Variants in KCNIP4 observed in about 807,000 individuals in gnomAD.
KCNIP4 encodes Kv channel-interacting protein 4.
A neutral mutation model predicts 34.0 loss-of-function variants in KCNIP4; 12 were observed. That is an observed-to-expected ratio of 0.35 (90% confidence interval 0.23 to 0.57). The LOEUF (loss-of-function observed/expected upper bound fraction) is 0.57. Ranked by LOEUF, KCNIP4 falls within the 20% of genes least tolerant of loss-of-function variation. The pLI is 0.83. For missense variants in KCNIP4, 238 were observed against 311.7 expected, an observed-to-expected ratio of 0.76 and a Z score of 1.78; for synonymous variants, 124 against 102.2, an observed-to-expected ratio of 1.21 and a Z score of -1.29.
At chr4:21,063,627 A>G (rs892673766) in intron 1 of KCNIP4, among the ~76,000 whole-genome samples, 2 of 152,154 alleles carry the variant, frequency 1.3e-5, no homozygotes, top group African/African-American at 4.8e-5. Flanking sequence ...ATCTTTATGA[A>G]TTCAAGTTGC....
intron 1 of KCNIP4, among the ~76,000 whole-genome samples, chr4:21,068,979 G>A (rs1473103607): frequency 5.3e-5 from 8 of 152,098 alleles, no homozygotes; most frequent in Admixed American, 3.9e-4. Context: ...CATTTACTAT[G>A]GTGAGTCTAA....
intron 1 of KCNIP4, among the ~76,000 whole-genome samples, chr4:21,118,541 C>T (rs1272390577): frequency 6.6e-6 from 1 of 152,146 alleles, no homozygotes; most frequent in Non-Finnish European, 1.5e-5. Context: ...TGAGTCTTTG[C>T]CAAAATGCAA....
intron 1 of KCNIP4, among the ~76,000 whole-genome samples, chr4:21,382,593 A>G (rs1721613255): frequency 6.6e-6 from 1 of 152,188 alleles, no homozygotes; most frequent in South Asian, 2.1e-4. Flanking sequence ...ACAATTCTTC[A>G]CTTAAAATGG....
At chr4:21,256,878 G>T (rs543069221) in intron 1 of KCNIP4, among the ~76,000 whole-genome samples, 1 of 152,154 alleles carries the variant, frequency 6.6e-6, no homozygotes, top group African/African-American at 2.4e-5. Flanking sequence ...TGTGGAAATG[G>T]TGTGAAATGC....
chr4:20,728,890 ATGTGGCAAC>A lies in KCNIP4; in HGVS notation c.*1183_*1191del, dbSNP rs1240916178. ...AGGGACGATGTGTGTGGCTTTAGTA[ATGTGGCAAC>A]TTTACAGTTTTGGCTAAGATGATTA... On this transcript the variant is annotated 3_prime_UTR_variant, in exon 9 of 9. Coordinates refer to ENST00000382152, the MANE Select transcript of KCNIP4 (RefSeq NM_025221.6). The A allele has an allele frequency of 6.6e-6, 1 of 151,818 alleles. No homozygotes were observed. The highest frequency in any genetic ancestry group is 2.4e-5 in the African/African-American group (1 of 41,084). 9.4% of individuals were successfully genotyped at this position (151,818 alleles called of 1,614,324 possible). A position where few individuals can be genotyped will look rare whatever the true frequency, so the allele number is the denominator to read the frequency against.
At chr4:20,984,245 G>A (rs550206639) in intron 1 of KCNIP4, among the ~76,000 whole-genome samples, 166 of 152,356 alleles carry the variant, frequency 1.1e-3, no homozygotes, top group African/African-American at 3.8e-3. Flanking sequence ...AACGTCTGTC[G>A]GAGAACTGGA....
At chr4:21,868,468 G>A (rs988212749) in intron 1 of KCNIP4, among the ~76,000 whole-genome samples, 6 of 152,116 alleles carry the variant, frequency 3.9e-5, no homozygotes, top group East Asian at 1.9e-4. Context: ...GCTACTGATC[G>A]CTGCTATGAC....
intron 1 of KCNIP4, among the ~76,000 whole-genome samples, chr4:21,667,623 G>A (rs1355708629): frequency 1.3e-5 from 2 of 152,122 alleles, no homozygotes; most frequent in African/African-American, 2.4e-5. Context: ...TCTTTTTCCA[G>A]AATAAAAGAT....
intron 1 of KCNIP4, among the ~76,000 whole-genome samples, chr4:20,944,758 A>G (rs1732018708): frequency 6.6e-6 from 1 of 152,270 alleles, no homozygotes; most frequent in South Asian, 2.1e-4. Context: ...TCCTAAATAA[A>G]TCTGTTTTGG....
At chr4:21,945,293 G>T (rs1406638903) in intron 1 of KCNIP4, among the ~76,000 whole-genome samples, 1 of 152,120 alleles carries the variant, frequency 6.6e-6, no homozygotes, top group Non-Finnish European at 1.5e-5. Flanking sequence ...TTTTATGAGA[G>T]GGCATAAGCT....
At chr4:21,567,398 C>T (rs929283843) in intron 1 of KCNIP4, among the ~76,000 whole-genome samples, 1 of 151,928 alleles carries the variant, frequency 6.6e-6, no homozygotes, top group African/African-American at 2.4e-5. Flanking sequence ...TGGAAGGGGG[C>T]CCATTGTCCT....
chr4:21,602,358 A>G (rs1244520842), intron 1 of KCNIP4, among the ~76,000 whole-genome samples: 8 of 152,182 alleles, frequency 5.3e-5, no homozygotes, highest in Non-Finnish European at 1.5e-5. Context: ...GATCCTCTGC[A>G]TATAACACGG....
intron 1 of KCNIP4, among the ~76,000 whole-genome samples, chr4:21,322,838 T>C (rs1578076823): frequency 6.6e-6 from 1 of 152,228 alleles, no homozygotes; most frequent in Non-Finnish European, 1.5e-5. Flanking sequence ...CTAAATCACT[T>C]AAAAGATAAG....
intron 1 of KCNIP4, among the ~76,000 whole-genome samples, chr4:21,228,801 G>A (rs555019060): frequency 9.9e-5 from 15 of 151,906 alleles, no homozygotes; most frequent in East Asian, 3.9e-4. Flanking sequence ...TTCTCCTTCC[G>A]CTTATCCAAT....
At chr4:21,668,087 C>T (rs553370265) in intron 1 of KCNIP4, among the ~76,000 whole-genome samples, 6 of 152,198 alleles carry the variant, frequency 3.9e-5, no homozygotes, top group South Asian at 2.1e-4. Flanking sequence ...TGCAGGGACA[C>T]GGATGAAGCT....
intron 1 of KCNIP4, among the ~76,000 whole-genome samples, chr4:21,709,905 A>G (rs79931032): frequency 0.017 from 2,652 of 152,330 alleles, 77 homozygotes; most frequent in African/African-American, 0.053. Context: ...ATGCCAAAAG[A>G]GAAGCACATA....
intron 1 of KCNIP4, among the ~76,000 whole-genome samples, chr4:21,242,567 T>A (rs990110040): frequency 5.9e-5 from 9 of 152,110 alleles, no homozygotes; most frequent in Non-Finnish European, 1.3e-4. Flanking sequence ...CCACCTCCAA[T>A]GTGTTTGGGG....
chr4:21,792,501 C>T (rs946316953), intron 1 of KCNIP4, among the ~76,000 whole-genome samples: 6 of 152,130 alleles, frequency 3.9e-5, no homozygotes, highest in Admixed American at 6.5e-5. Context: ...GGAACAGATG[C>T]TGTGTGTAAA....
chr4:21,553,725 C>G (rs1210806589), intron 1 of KCNIP4, among the ~76,000 whole-genome samples: 2 of 42,622 alleles, frequency 4.7e-5, no homozygotes, highest in Admixed American at 1.9e-4. Flanking sequence ...TAAAATGAAA[C>G]AAAGTTCTTT....
Sources: gnomAD v4.1 joint callset for allele counts (sites outside exome capture counted in the v4.1 genomes callset) on GRCh38, gnomAD v4.1.1 for gene constraint, MANE v1.5 for transcripts, NCBI Gene and HGNC (gene_info 2026-07-23, HGNC 2026-07-21) for gene names.